The following MET variants were observed in gnomAD, a reference collection of about 807,000 sequenced individuals.
MET encodes the protein hepatocyte growth factor receptor.
A neutral mutation model predicts 133.1 loss-of-function variants in MET; 48 were observed. That is an observed-to-expected ratio of 0.36 (90% CI 0.29 to 0.46). The LOEUF (loss-of-function observed/expected upper bound fraction) is 0.46. MET is among the 20% of genes least tolerant of loss of function. MET has a pLI of 1.00. For synonymous variants in MET, 628 were observed against 616.5 expected, an observed-to-expected ratio of 1.02 and a Z score of -0.28; for missense variants, 1,442 against 1,695.9, an observed-to-expected ratio of 0.85 and a Z score of 2.63.
intron 2 of MET, among the ~76,000 whole-genome samples, chr7:116,721,184 C>T (rs202049553): frequency 1.3e-5 from 2 of 152,194 alleles, no homozygotes; most frequent in Non-Finnish European, 2.9e-5. Flanking sequence ...GGTCTATTCA[C>T]AGATTCTACT....
intron 3 of MET, among the ~76,000 whole-genome samples, chr7:116,735,188 C>G (rs1366217435): frequency 2.0e-5 from 3 of 152,190 alleles, no homozygotes; most frequent in Admixed American, 2.0e-4. Context: ...CTACTGGGCT[C>G]CGTGGTTCCA....
chr7:116,736,288 G>A (rs771842911), intron 3 of MET, among the ~76,000 whole-genome samples: 2 of 151,894 alleles, frequency 1.3e-5, no homozygotes, highest in Non-Finnish European at 2.9e-5. Flanking sequence ...GGGGAGACTG[G>A]GAATGACAGC....
At chr7:116,741,454 C>T (rs961651356) in intron 5 of MET, among the ~76,000 whole-genome samples, 1 of 152,208 alleles carries the variant, frequency 6.6e-6, no homozygotes, top group Admixed American at 6.5e-5. Flanking sequence ...CAGACATGAG[C>T]CTCCATCACA....
chr7:116,762,995 A>G (rs1289838678), intron 10 of MET, 55 bp from the exon 11 acceptor site: 2 of 1,429,562 alleles, frequency 1.4e-6, no homozygotes, highest in African/African-American at 1.4e-5. Context: ...TAAAGTTGCT[A>G]TGGATGTTGC....
chr7:116,713,536 GCTTGGC>G (rs1562891333), intron 2 of MET, among the ~76,000 whole-genome samples: 3 of 152,210 alleles, frequency 2.0e-5, no homozygotes, highest in Non-Finnish European at 1.5e-5. Context: ...GCTTTCCTGA[GCTTGGC>G]CTTGGTGTAG....
chr7:116,757,486 A>T lies in MET; in HGVS notation c.1912A>T (p.Ile638Leu), dbSNP rs1060503536. Residue 638 changes from isoleucine (I) to leucine (L), a missense_variant, in exon 7 of 21, where the codon ATA (isoleucine) becomes TTA (leucine). Around this residue, in one of 6 missense-constraint regions of MET, gnomAD observed 762 missense variants for 792.4 expected, o/e 0.96. Transcript: ENST00000397752. ...PAMNKHFNMS[I>L]IISNGHGTTQ... is the part of the protein sequence containing the mutation. ...CATGAATAAGCATTTCAATATGTCC[A>T]TAATTATTTCAAATGGCCACGGGAC... 6 of 1,613,908 alleles carry T rather than the reference A, an allele frequency of 3.7e-6. No individual in the cohort carries two copies. Among genetic ancestry groups the T allele is most frequent in the Non-Finnish European group, 4.2e-6 (5 of 1,179,970 alleles).
At chr7:116,736,353 CAA>C (rs571369878) in intron 3 of MET, among the ~76,000 whole-genome samples, 8 of 129,056 alleles carry the variant, frequency 6.2e-5, no homozygotes, top group Admixed American at 7.7e-5. Flanking sequence ...AACCCTGTCT[CAA>C]AAAAAAAAAA....
chr7:116,758,412 T>C (rs900452351), intron 8 of MET, 47 bp from the exon 9 acceptor site: 2 of 1,554,342 alleles, frequency 1.3e-6, no homozygotes, highest in African/African-American at 2.7e-5. Context: ...CTAAAATATG[T>C]GTATCTCTAA....
intron 5 of MET, among the ~76,000 whole-genome samples, chr7:116,745,001 A>C (rs549043010): frequency 9.2e-5 from 14 of 152,370 alleles, no homozygotes; most frequent in Non-Finnish European, 1.2e-4. Flanking sequence ...CCCTGTTTGC[A>C]GATGACATGA....
intron 19 of MET, among the ~76,000 whole-genome samples, chr7:116,793,122 C>G (rs1795562536): frequency 6.6e-6 from 1 of 152,056 alleles, no homozygotes; most frequent in African/African-American, 2.4e-5. Flanking sequence ...TGCCATCTCC[C>G]TGAGCACAAC....
At chr7:116,720,411 T>C (rs1308060081) in intron 2 of MET, among the ~76,000 whole-genome samples, 2 of 143,930 alleles carry the variant, frequency 1.4e-5, no homozygotes, top group African/African-American at 5.4e-5. Context: ...TTTCTAGATA[T>C]ACAATCATGT....
intron 6 of MET, 61 bp from the exon 7 acceptor site, chr7:116,757,376 A>G (rs936666863): frequency 2.2e-6 from 3 of 1,387,784 alleles, no homozygotes; most frequent in Non-Finnish European, 3.1e-6. Flanking sequence ...TTCCTATAAA[A>G]CAACCTAACC....
intron 10 of MET, among the ~76,000 whole-genome samples, chr7:116,761,958 T>C (rs1260660345): frequency 6.6e-6 from 1 of 152,206 alleles, no homozygotes; most frequent in Non-Finnish European, 1.5e-5. Flanking sequence ...CAACTATACT[T>C]GTCAAAGAAA....
rs1318611404 is a variant in MET at position 116,740,923 on chromosome 7, A to C, written c.1599A>C (p.Pro533=). The change falls in exon 5 of 21, where the codon CCA becomes CCC. Residue 533 remains proline, a synonymous_variant. Transcript: ENST00000397752. ...FQSCSQCLSA[P]PFVQCGWCHD... ...CCTGCAGTCAATGCCTCTCTGCCCC[A>C]CCCTTTGTTCAGTGTGGCTGGTGCC... 6.2e-7 allele frequency: 1 copy of C among 1,613,898 alleles called. No homozygotes were observed. The highest frequency in any genetic ancestry group is 2.2e-5 in the East Asian group (1 of 44,880).
chr7:116,726,845 A>C (rs1318839357), intron 2 of MET, among the ~76,000 whole-genome samples: 2 of 152,218 alleles, frequency 1.3e-5, no homozygotes, highest in Non-Finnish European at 2.9e-5. Context: ...GACTGCTTCA[A>C]GGCAGAAGAG....
At chr7:116,743,900 T>C (rs1172566930) in intron 5 of MET, among the ~76,000 whole-genome samples, 1 of 152,196 alleles carries the variant, frequency 6.6e-6, no homozygotes, top group Non-Finnish European at 1.5e-5. Flanking sequence ...AAACAGGGTC[T>C]GGAGTGGACC....
At chr7:116,712,699 C>T (rs1792044698) in intron 2 of MET, among the ~76,000 whole-genome samples, 1 of 151,958 alleles carries the variant, frequency 6.6e-6, no homozygotes, top group Admixed American at 6.6e-5. Flanking sequence ...CCTCCCGTCC[C>T]CCCCACACAC....
intron 15 of MET, 33 bp from the exon 16 acceptor site, chr7:116,777,356 C>A (rs375461370): frequency 1.3e-6 from 2 of 1,518,700 alleles, no homozygotes; most frequent in Non-Finnish European, 1.8e-6. Flanking sequence ...TTAAATGTTA[C>A]GCAGTGCTAA....
intron 12 of MET, among the ~76,000 whole-genome samples, chr7:116,771,209 G>C (rs1188931794): frequency 6.6e-6 from 1 of 152,086 alleles, no homozygotes; most frequent in Non-Finnish European, 1.5e-5. Context: ...TTATATGTCT[G>C]TCTCCCCTTC....
Sources: gnomAD v4.1 joint callset for allele counts (sites outside exome capture counted in the v4.1 genomes callset) on GRCh38, gnomAD v4.1.1 for gene constraint, gnomAD v4.1.1 regional missense constraint, MANE v1.5 for transcripts, NCBI Gene and HGNC (gene_info 2026-07-23, HGNC 2026-07-21) for gene names.